Variants in DPP6 observed in about 807,000 individuals in gnomAD.
DPP6 encodes dipeptidyl peptidase like 6.
In DPP6, 69 loss-of-function variants were observed where a neutral mutation model predicts 122.6. That is an observed-to-expected ratio of 0.56 (90% CI 0.46 to 0.69). The LOEUF (loss-of-function observed/expected upper bound fraction) is 0.69. Ranked by LOEUF, DPP6 falls within the 30% of genes least tolerant of loss-of-function variation. The pLI, the probability that DPP6 is intolerant of heterozygous loss-of-function variation, is 0.00. For missense variants in DPP6, 928 were observed against 1,116.9 expected, an observed-to-expected ratio of 0.83 and a Z score of 2.41; for synonymous variants, 418 against 433.1, an observed-to-expected ratio of 0.97 and a Z score of 0.43.
At chr7:153,973,500 C>A (rs948394613) in intron 1 of DPP6, among the ~76,000 whole-genome samples, 4 of 152,114 alleles carry the variant, frequency 2.6e-5, no homozygotes, top group African/African-American at 9.7e-5. Context: ...CATCCATTTT[C>A]TTTTTCCTAT....
chr7:154,091,907 C>G (rs1051385676), intron 1 of DPP6, among the ~76,000 whole-genome samples: 2 of 152,216 alleles, frequency 1.3e-5, no homozygotes, highest in African/African-American at 4.8e-5. Context: ...GCAAAACTCT[C>G]ACATCAGTTC....
chr7:154,299,464 C>T (rs1464744172), intron 1 of DPP6, among the ~76,000 whole-genome samples: 1 of 152,212 alleles, frequency 6.6e-6, no homozygotes, highest in African/African-American at 2.4e-5. Flanking sequence ...ATCCACAGTT[C>T]CATCCCAACT....
chr7:153,810,791 C>G, the DPP6 span, among the ~76,000 whole-genome samples: 24 of 150,642 alleles, frequency 1.6e-4, no homozygotes, highest in Admixed American at 1.6e-3. Context: ...AAGTCCTAAT[C>G]AACTTTCATT....
intron 2 of DPP6, among the ~76,000 whole-genome samples, chr7:154,450,005 T>A (rs1312265803): frequency 7.3e-6 from 1 of 137,584 alleles, no homozygotes; most frequent in Non-Finnish European, 1.5e-5. Context: ...CTAGACTCCA[T>A]CTCTAAATAA....
intron 1 of DPP6, among the ~76,000 whole-genome samples, chr7:154,184,201 C>T (rs1798240224): frequency 6.6e-6 from 1 of 151,118 alleles, no homozygotes; most frequent in East Asian, 1.9e-4. Context: ...TGGTTAGTGT[C>T]TGTGTTTCTC....
intron 3 of DPP6, among the ~76,000 whole-genome samples, chr7:154,501,011 G>A (rs1350084506): frequency 6.6e-6 from 1 of 152,164 alleles, no homozygotes; most frequent in Non-Finnish European, 1.5e-5. Flanking sequence ...GAAACTAGTT[G>A]GGAACTGCAG....
At position 154,875,015 on chromosome 7, in the gene DPP6, G is replaced by T. The variant is rs1378007906; in HGVS notation, c.1884-891G>T. Among the ~76,000 whole-genome samples the T allele has an allele frequency of 6.6e-6, 1 of 152,210 alleles. No homozygotes were observed. Among genetic ancestry groups the T allele is most frequent in the Non-Finnish European group, 1.5e-5 (1 of 67,996 alleles). The stretch of plus-strand genomic sequence containing the variant: ...TTTGGAAGGCAAAAGTGGGAGGATT[G>T]CTTGAGCCCCAGAGGTCAAGCCTGC... On this transcript the variant is annotated intron_variant, in intron 19 of 25. Coordinates refer to ENST00000377770, the MANE Select transcript of DPP6 (RefSeq NM_130797.4). The surrounding 1 kb of genome is among the most constrained non-coding windows in gnomAD (Gnocchi z 4.5).
At chr7:154,684,694 A>G (rs1336498062) in intron 7 of DPP6, among the ~76,000 whole-genome samples, 1 of 152,116 alleles carries the variant, frequency 6.6e-6, no homozygotes, top group Non-Finnish European at 1.5e-5. Flanking sequence ...GTTTCTAGTT[A>G]CCCTTCAGAT....
chr7:153,761,734 C>A, the DPP6 span, among the ~76,000 whole-genome samples: 1 of 152,348 alleles, frequency 6.6e-6, no homozygotes. Context: ...TCGATCCATG[C>A]TTCCTTCAAC....
chr7:153,762,126 T>C, the DPP6 span, among the ~76,000 whole-genome samples: 1 of 152,322 alleles, frequency 6.6e-6, no homozygotes, highest in African/African-American at 2.4e-5. Flanking sequence ...CCTTTGCAAC[T>C]CAAGGGCCCT....
chr7:154,135,362 G>A (rs563765210), intron 1 of DPP6, among the ~76,000 whole-genome samples: 45 of 151,156 alleles, frequency 3.0e-4, no homozygotes, highest in African/African-American at 1.1e-3. Context: ...CTTCCTATGA[G>A]GCCACACTTC....
chr7:153,769,647 T>C, the DPP6 span, among the ~76,000 whole-genome samples: 3 of 152,250 alleles, frequency 2.0e-5, no homozygotes, highest in South Asian at 6.2e-4. Flanking sequence ...AACTGTGAGG[T>C]TACTTTCCAG....
intron 1 of DPP6, among the ~76,000 whole-genome samples, chr7:154,160,655 T>G (rs778214267): frequency 1.3e-5 from 2 of 152,168 alleles, no homozygotes; most frequent in Non-Finnish European, 2.9e-5. Context: ...TAGAAGCCAG[T>G]AGCCAAACCC....
chr7:154,065,534 G>A (rs1283608261), intron 1 of DPP6, among the ~76,000 whole-genome samples: 6 of 151,042 alleles, frequency 4.0e-5, no homozygotes, highest in African/African-American at 1.2e-4. Context: ...CTCACTGGCC[G>A]GGTGCACAGG....
At position 154,330,489 on chromosome 7, in the gene DPP6, G is replaced by A. The variant is rs989678387; in HGVS notation, c.244-115725G>A. On this transcript the variant is annotated intron_variant, in intron 1 of 25. Coordinates refer to ENST00000377770, the MANE Select transcript of DPP6 (RefSeq NM_130797.4). Reference sequence around the variant, plus strand: ...CTGTGAGAGCACGGAAAAGATGAGCGTGATATGATTCCTCTTTGGGGCGGG... The same window carrying A: ...CTGTGAGAGCACGGAAAAGATGAGCATGATATGATTCCTCTTTGGGGCGGG... Among the ~76,000 whole-genome samples, 10 of 152,270 alleles carry A rather than the reference G, an allele frequency of 6.6e-5. 1 individual carries two copies. The highest frequency in any genetic ancestry group is 2.1e-4 in the South Asian group (1 of 4,822).
intron 1 of DPP6, among the ~76,000 whole-genome samples, chr7:154,124,146 C>G (rs990254736): frequency 2.6e-5 from 4 of 152,176 alleles, no homozygotes; most frequent in African/African-American, 9.6e-5. Flanking sequence ...CACTCCTCCA[C>G]TTGCTTAGTT....
chr7:154,827,652 G>C (rs554216048), intron 16 of DPP6, among the ~76,000 whole-genome samples: 1 of 149,482 alleles, frequency 6.7e-6, no homozygotes, highest in South Asian at 2.2e-4. Context: ...TCCCAGAAAG[G>C]ACGGCTGGCA....
In DPP6 at chr7:154,605,150, T is replaced by G. The variant is rs1379238247; in HGVS notation, c.628-32671T>G. ...TTCTTTGCATATAGAGGTGATCGTA[T>G]TGTTCCTTTTTGTTTAATCTACTAC... On this transcript the variant is annotated intron_variant, in intron 5 of 25. Transcript: ENST00000377770. Among the ~76,000 whole-genome samples the G allele has an allele frequency of 1.7e-5, 2 of 119,870 alleles. 1 individual carries two copies. Among genetic ancestry groups the G allele is most frequent in the Non-Finnish European group, 3.8e-5 (2 of 53,192 alleles). The allele number at this position is 119,870 out of a possible 152,430, so 78.6% of individuals were successfully genotyped here.
At chr7:154,734,824 G>T (rs1436754259) in intron 8 of DPP6, among the ~76,000 whole-genome samples, 1 of 152,208 alleles carries the variant, frequency 6.6e-6, no homozygotes, top group African/African-American at 2.4e-5. Context: ...CTGCTGCCTT[G>T]TCTGCAAAAC....
Sources: allele counts gnomAD v4.1 joint callset (sites outside exome capture counted in the v4.1 genomes callset), GRCh38; gene constraint gnomAD v4.1.1; non-coding constraint Gnocchi (gnomAD v3.1); transcripts MANE v1.5; gene names NCBI Gene and HGNC (gene_info 2026-07-23, HGNC 2026-07-21).